The following ASIC2 variants were observed in gnomAD, a reference collection of about 807,000 sequenced individuals.
The protein encoded by ASIC2 is acid sensing ion channel subunit 2, also known as acid-sensing ion channel 2.
In ASIC2, 25 loss-of-function variants were observed where a neutral mutation model predicts 57.3. The observed-to-expected ratio is 0.44, with a 90% CI of 0.32 to 0.61. The LOEUF is 0.61. Ranked by LOEUF, ASIC2 falls within the 20% of genes least tolerant of loss-of-function variation. The pLI is 0.06. For synonymous variants in ASIC2, 319 were observed against 307.5 expected, an observed-to-expected ratio of 1.04 and a Z score of -0.39; for missense variants, 641 against 738.1, an observed-to-expected ratio of 0.87 and a Z score of 1.52.
intron 1 of ASIC2, among the ~76,000 whole-genome samples, chr17:33,849,366 A>G (rs1913702345): frequency 6.6e-6 from 1 of 152,206 alleles, no homozygotes; most frequent in Admixed American, 6.5e-5. Flanking sequence ...CAGGGCCCTA[A>G]GAGGTACAGA....
intron 1 of ASIC2, among the ~76,000 whole-genome samples, chr17:33,282,404 AGC>A (rs1321633733): frequency 6.6e-6 from 1 of 151,916 alleles, no homozygotes; most frequent in African/African-American, 2.4e-5. Flanking sequence ...CCATCTTCAA[AGC>A]CATCAATGTA....
In ASIC2 at chr17:33,643,257, TG is replaced by T. The variant is rs578097699; in HGVS notation, c.555+512720del. ...TCTTTCTGGGTGATACATAAAATTT[TG>T]CATCTTCCAATAAATGATGACTGTG... On this transcript the variant is annotated intron_variant, in intron 1 of 9. Transcript: ENST00000359872. Among the ~76,000 whole-genome samples the T allele has an allele frequency of 2.5e-3, 378 of 152,296 alleles. 2 individuals carry two copies. Among genetic ancestry groups the T allele is most frequent in the African/African-American group, 8.6e-3 (359 of 41,532 alleles).
chr17:33,361,213 T>C (rs1044697203), intron 1 of ASIC2, among the ~76,000 whole-genome samples: 3 of 152,192 alleles, frequency 2.0e-5, no homozygotes, highest in Non-Finnish European at 2.9e-5. Context: ...CCCATTAAGA[T>C]GAACCATGAC....
At chr17:33,320,544 A>G (rs1034569481) in intron 1 of ASIC2, among the ~76,000 whole-genome samples, 1 of 152,168 alleles carries the variant, frequency 6.6e-6, no homozygotes, top group Non-Finnish European at 1.5e-5. Flanking sequence ...CCAGGTTAGT[A>G]TGGAGTTGAG....
At chr17:33,502,292 G>A (rs2141942718) in intron 1 of ASIC2, among the ~76,000 whole-genome samples, 1 of 152,342 alleles carries the variant, frequency 6.6e-6, no homozygotes, top group Non-Finnish European at 1.5e-5. Flanking sequence ...TAGGAAGGCA[G>A]TGGGGACACT....
At chr17:33,373,441 T>C (rs1909160210) in intron 1 of ASIC2, among the ~76,000 whole-genome samples, 1 of 152,218 alleles carries the variant, frequency 6.6e-6, no homozygotes, top group African/African-American at 2.4e-5. Context: ...ACAAGGATGA[T>C]AATAGCTGCT....
In ASIC2 at chr17:33,112,005, G is replaced by A. The variant is rs1423012499; in HGVS notation, c.771C>T (p.Leu257=). Residue 257 remains leucine (L), a synonymous_variant, in exon 2 of 10, where the codon CTC becomes CTT. Transcript: ENST00000225823. The part of the protein sequence containing the change: ...FNSGEDGKPL[L]TTVKGGTGNG... ...TGCCTGTCCCCCCCTTGACCGTGGT[G>A]AGCAGAGGTTTGCCATCCTCGCCTG... 4 of 1,613,938 alleles carry A rather than the reference G, an allele frequency of 2.5e-6. No homozygotes were observed. In the African/African-American group the frequency reaches 5.3e-5, roughly 22 times the overall value.
At chr17:33,942,129 G>C (rs1420784646) in intron 1 of ASIC2, among the ~76,000 whole-genome samples, 1 of 152,210 alleles carries the variant, frequency 6.6e-6, no homozygotes, top group African/African-American at 2.4e-5. Context: ...GAGGTCGCCA[G>C]TTGGGGAAGA....
intron 1 of ASIC2, among the ~76,000 whole-genome samples, chr17:33,517,736 T>TATACCAAATGTTAA (rs1914618669): frequency 6.7e-6 from 1 of 150,128 alleles, no homozygotes; most frequent in Non-Finnish European, 1.5e-5. Context: ...CATTAGGAGA[T>TATACCAAATGTTAA]ATACCAAATG....
chr17:34,152,824 G>A (rs1168063134), intron 1 of ASIC2, among the ~76,000 whole-genome samples: 1 of 152,150 alleles, frequency 6.6e-6, no homozygotes, highest in Non-Finnish European at 1.5e-5. Flanking sequence ...AACACCATGG[G>A]CAGAGACACA....
intron 1 of ASIC2, among the ~76,000 whole-genome samples, chr17:33,801,654 T>G (rs965427964): frequency 6.6e-6 from 1 of 152,216 alleles, no homozygotes; most frequent in Non-Finnish European, 1.5e-5. Context: ...ACGCTTAGCA[T>G]AGTGTCTCAA....
intron 1 of ASIC2, among the ~76,000 whole-genome samples, chr17:33,818,743 C>A (rs1166124085): frequency 2.0e-5 from 3 of 152,210 alleles, no homozygotes; most frequent in Admixed American, 2.0e-4. Context: ...ATGTTTTAAA[C>A]CACTACTTTT....
At chr17:33,279,747 T>G (rs1904862337) in intron 1 of ASIC2, among the ~76,000 whole-genome samples, 1 of 152,092 alleles carries the variant, frequency 6.6e-6, no homozygotes. Context: ...ATTAGACAGT[T>G]GTGGTGGCGT....
At chr17:33,017,475 G>T in intron 8 of ASIC2, 130 bp downstream of exon 8, 1 of 735,100 alleles carries the variant, frequency 1.4e-6, no homozygotes, top group South Asian at 1.9e-5. Flanking sequence ...CGACTCTATT[G>T]GTGGACAGGA....
chr17:34,135,425 C>A (rs1164515102), intron 1 of ASIC2, among the ~76,000 whole-genome samples: 1 of 152,216 alleles, frequency 6.6e-6, no homozygotes, highest in African/African-American at 2.4e-5. Flanking sequence ...ACTCTCCAGA[C>A]TGCTGGTTCT....
intron 1 of ASIC2, among the ~76,000 whole-genome samples, chr17:34,088,494 C>A (rs979284541): frequency 2.0e-5 from 3 of 152,184 alleles, no homozygotes; most frequent in Non-Finnish European, 2.9e-5. Context: ...GGTCAGGGAC[C>A]CACTTGAGGA....
At chr17:33,807,244 A>C (rs1403634458) in intron 1 of ASIC2, among the ~76,000 whole-genome samples, 2 of 152,184 alleles carry the variant, frequency 1.3e-5, no homozygotes, top group African/African-American at 2.4e-5. Context: ...TGTGCTCTTC[A>C]AGGAGGTTCT....
intron 7 of ASIC2, among the ~76,000 whole-genome samples, chr17:33,020,815 C>G (rs974409509): frequency 2.0e-5 from 3 of 152,160 alleles, no homozygotes; most frequent in African/African-American, 7.2e-5. Flanking sequence ...TTTGACCACC[C>G]ACAGTTCAGC....
chr17:33,604,751 G>A (rs971572425), intron 1 of ASIC2, among the ~76,000 whole-genome samples: 2 of 152,102 alleles, frequency 1.3e-5, no homozygotes, highest in African/African-American at 4.8e-5. Context: ...GGGGTCTCAG[G>A]GTGGAAGGGA....
Sources: gnomAD v4.1 joint callset for allele counts (sites outside exome capture counted in the v4.1 genomes callset) on GRCh38, gnomAD v4.1.1 for gene constraint, MANE v1.5 for transcripts, NCBI Gene and HGNC (gene_info 2026-07-23, HGNC 2026-07-21) for gene names.